The following OAT variants were observed in gnomAD, a reference collection of about 807,000 sequenced individuals.
OAT encodes ornithine aminotransferase, mitochondrial.
OAT carries 35 observed loss-of-function variants against 48.4 expected under a neutral mutation model. That is an observed-to-expected ratio of 0.72 (90% confidence interval 0.55 to 0.96). The LOEUF (loss-of-function observed/expected upper bound fraction) is 0.96. Among genes scored for constraint, OAT ranks in the 40% least tolerant of loss-of-function variants. OAT has a pLI of 0.00. For missense variants in OAT, 438 were observed against 537.9 expected (o/e 0.81, Z 1.84); for synonymous variants, 182 against 198.4 (o/e 0.92, Z 0.70).
intron 5 of OAT, 145 bp downstream of exon 5, chr10:124,405,291 G>T: frequency 8.5e-7 from 1 of 1,177,320 alleles, no homozygotes; most frequent in Non-Finnish European, 1.2e-6. Context: ...CTAATTGATC[G>T]CTACTGAGAA....
chr10:124,418,152 A>G (rs1384352592), intron 1 of OAT: 2 of 152,268 alleles, frequency 1.3e-5, no homozygotes, highest in Non-Finnish European at 2.9e-5. Flanking sequence ...CCACCATCTA[A>G]TTAACCTGCA....
At position 124,397,981 on chromosome 10, in the gene OAT, C is replaced by T. The variant is rs1589692099; in HGVS notation, c.1281G>A (p.Glu427=). The part of the protein sequence containing the change: ...PLVIKEDELR[E]SIEIINKTIL... Reference sequence around the variant, plus strand: ...TGGTCTTGTTAATAATTTCAATGGACTCTCGAAGCTCATCCTCCTTGATCA... The same window carrying T: ...TGGTCTTGTTAATAATTTCAATGGATTCTCGAAGCTCATCCTCCTTGATCA... The change falls in exon 10 of 10, where the codon GAG becomes GAA. Residue 427 remains glutamate, a synonymous_variant. Coordinates refer to ENST00000368845, the MANE Select transcript of OAT (RefSeq NM_000274.4). 1.9e-6 allele frequency: 3 copies of T among 1,613,906 alleles called. No individual in the cohort carries two copies. The highest frequency in any genetic ancestry group is 2.2e-5 in the South Asian group (2 of 91,084).
chr10:124,411,917 T>C, intron 2 of OAT, 56 bp downstream of exon 2: 1 of 1,534,228 alleles, frequency 6.5e-7, no homozygotes, highest in Non-Finnish European at 9.0e-7. Flanking sequence ...TGGAAGCAAT[T>C]TTTTTTTATA....
chr10:124,408,313 G>GTT (rs1477021305), intron 4 of OAT, among the ~76,000 whole-genome samples: 1 of 60,930 alleles, frequency 1.6e-5, no homozygotes, highest in Non-Finnish European at 2.9e-5. Context: ...GTGTGTGTGT[G>GTT]TGTGTATATA....
Position 124,412,594 on chromosome 10 carries a change from C to T in OAT, c.-29-394G>A, listed in dbSNP as rs552223995. 2.6e-5 allele frequency among the ~76,000 whole-genome samples: 4 copies of T among 151,782 alleles called. No homozygotes were observed. The South Asian group carries it at 8.3e-4, about 32-fold the overall frequency. ...GCCAAGATGGGAGGATCGCTTGAGCCGAGGAGTTAAAGACCAGCCTAGGCA... is the reference window on the plus strand; with the variant it reads ...GCCAAGATGGGAGGATCGCTTGAGCTGAGGAGTTAAAGACCAGCCTAGGCA... On this transcript the variant is annotated intron_variant, in intron 1 of 9. Coordinates refer to ENST00000368845, the MANE Select transcript of OAT (RefSeq NM_000274.4).
intron 4 of OAT, chr10:124,406,973 T>C (rs1383199070): frequency 9.1e-6 from 9 of 985,268 alleles, no homozygotes; most frequent in Non-Finnish European, 1.1e-5. Flanking sequence ...AGACACCATG[T>C]AAAATAACAG....
chr10:124,415,123 G>T (rs1589721424), intron 1 of OAT: 1 of 113,874 alleles, frequency 8.8e-6, no homozygotes. Flanking sequence ...GAATATCAGA[G>T]ATTATCTAAA....
rs188669276 is a variant in OAT at position 124,403,081 on chromosome 10, T to C, written c.772-26A>G. The stretch of plus-strand genomic sequence containing the variant: ...CTATTGGGGAAAAAAAATACCCCTA[T>C]TAGTGATCACTTTCGTTTCCACAGG... On this transcript the variant is annotated intron_variant, in intron 6 of 9. Coordinates refer to ENST00000368845, the MANE Select transcript of OAT (RefSeq NM_000274.4). The C allele has an allele frequency of 1.5e-4, 245 of 1,613,262 alleles. 1 individual carries two copies. In the East Asian group the frequency reaches 4.5e-3, roughly 29 times the overall value.
intron 2 of OAT, among the ~76,000 whole-genome samples, chr10:124,409,858 C>T (rs1951699687): frequency 6.6e-6 from 1 of 152,008 alleles, no homozygotes; most frequent in South Asian, 2.1e-4. Flanking sequence ...CAAGTTAAAA[C>T]CACAATGAGA....
chr10:124,403,654 A>T (rs1350627423), intron 6 of OAT, 144 bp downstream of exon 6: 2 of 1,174,992 alleles, frequency 1.7e-6, no homozygotes. Flanking sequence ...TTAGAATGCC[A>T]TCGCCCTCTA....
chr10:124,404,271 AT>A (rs71026081), intron 5 of OAT, among the ~76,000 whole-genome samples: 14,810 of 141,122 alleles, frequency 0.1, 789 homozygotes, highest in African/African-American at 0.15. Context: ...ATTTATTTTC[AT>A]TTTTTTTTTT....
chr10:124,399,105 T>C (rs1451573104), intron 9 of OAT, among the ~76,000 whole-genome samples: 1 of 151,912 alleles, frequency 6.6e-6, no homozygotes, highest in Non-Finnish European at 1.5e-5. Context: ...TACAGATGAT[T>C]AACTGACATA....
At chr10:124,406,498 A>AAAT (rs201249878) in intron 4 of OAT, among the ~76,000 whole-genome samples, 8,908 of 150,116 alleles carry the variant, frequency 0.059, 373 homozygotes, top group Non-Finnish European at 0.08. Context: ...CAAAAAATAA[A>AAAT]AATAATAATA....
At position 124,398,101 on chromosome 10, in the gene OAT, A is replaced by G. The variant is rs767355382; in HGVS notation, c.1161T>C (p.Asp387=). ...LNAIVIKETK[D]WDAWKVCLRL... Reference sequence around the variant, plus strand: ...GTAGACACACCTTCCAAGCATCCCAATCTAAAGAAAAATAGTAAAACGTAC... The same window carrying G: ...GTAGACACACCTTCCAAGCATCCCAGTCTAAAGAAAAATAGTAAAACGTAC... Residue 387 remains aspartate (D), a splice_region_variant and synonymous_variant, in exon 10 of 10, where the codon GAT becomes GAC. Transcript: ENST00000368845. 6.2e-7 allele frequency: 1 copy of G among 1,614,096 alleles called. No individual in the cohort carries two copies. Among genetic ancestry groups the G allele is most frequent in the Non-Finnish European group, 8.5e-7 (1 of 1,180,018 alleles).
intron 7 of OAT, among the ~76,000 whole-genome samples, chr10:124,402,637 T>G (rs1951443878): frequency 6.6e-6 from 1 of 152,200 alleles, no homozygotes; most frequent in Non-Finnish European, 1.5e-5. Context: ...TTCTGAACAC[T>G]GGAAAAAAGG....
intron 9 of OAT, among the ~76,000 whole-genome samples, chr10:124,399,557 G>A (rs1402535949): frequency 2.0e-5 from 3 of 151,912 alleles, no homozygotes; most frequent in Non-Finnish European, 2.9e-5. Context: ...GTGTTAGCCA[G>A]GATGGTCTCG....
chr10:124,399,958 C>CT (rs1384825760), intron 9 of OAT, among the ~76,000 whole-genome samples: 2 of 152,184 alleles, frequency 1.3e-5, no homozygotes, highest in African/African-American at 4.8e-5. Flanking sequence ...TCTCTAAATA[C>CT]TGCATGACTA....
rs2134465097 is a variant in OAT at position 124,405,450 on chromosome 10, G to A, written c.634C>T (p.Leu212=). ...TAGTGAAATACCTCCAGTGCGGGCA[G>A]ATCATTATAGGGAATGATGTCGAAT... The part of the protein sequence containing the change: ...PGFDIIPYND[L]PALERALQDP... Residue 212 remains leucine, a synonymous_variant, in exon 5 of 10, where the codon CTG becomes TTG. Transcript: ENST00000368845. 6.2e-7 allele frequency: 1 copy of A among 1,613,958 alleles called. No individual in the cohort carries two copies. The highest frequency in any genetic ancestry group is 8.5e-7 in the Non-Finnish European group (1 of 1,179,840).
At chr10:124,410,737 G>T (rs988926197) in intron 2 of OAT, among the ~76,000 whole-genome samples, 5 of 152,178 alleles carry the variant, frequency 3.3e-5, no homozygotes, top group African/African-American at 1.2e-4. Flanking sequence ...GTTCCAGGCT[G>T]CAGTGAGCCA....
Sources: gnomAD v4.1 joint callset for allele counts (sites outside exome capture counted in the v4.1 genomes callset) on GRCh38, gnomAD v4.1.1 for gene constraint, MANE v1.5 for transcripts, NCBI Gene and HGNC (gene_info 2026-07-23, HGNC 2026-07-21) for gene names.